Variants in VRK2 observed in about 807,000 individuals in gnomAD.
The protein encoded by VRK2 is VRK serine/threonine kinase 2, also known as serine/threonine-protein kinase VRK2.
A neutral mutation model predicts 57.6 loss-of-function variants in VRK2; 60 were observed. That is an observed-to-expected ratio of 1.04 (90% CI 0.85 to 1.29). The LOEUF (loss-of-function observed/expected upper bound fraction) is 1.29, where lower values mean the gene tolerates loss of function less well. Ranked by LOEUF, VRK2 falls within the 50% of genes most tolerant of loss-of-function variation. The pLI is 0.00. For missense variants in VRK2, 705 were observed against 588.1 expected (o/e 1.20, Z -2.06); for synonymous variants, 231 against 199.2 (o/e 1.16, Z -1.35).
At chr2:58,126,180 A>G (rs1162257512) in intron 8 of VRK2, among the ~76,000 whole-genome samples, 1 of 151,960 alleles carries the variant, frequency 6.6e-6, no homozygotes, top group African/African-American at 2.4e-5. Context: ...TAGAACTTCT[A>G]GGTGCCAGAG....
chr2:58,038,764 T>C (rs1558553556), intron 3 of VRK2, among the ~76,000 whole-genome samples: 1 of 152,076 alleles, frequency 6.6e-6, no homozygotes, highest in Non-Finnish European at 1.5e-5. Flanking sequence ...CCTATGCACA[T>C]AAAAAAATTT....
At position 57,909,479 on chromosome 2, in the gene VRK2, T is replaced by G. The variant is rs879651303; in HGVS notation, c.-439+1640T>G. Among the ~76,000 whole-genome samples the G allele has an allele frequency of 1.1e-3, 165 of 151,898 alleles. No individual in the cohort carries two copies. The East Asian group carries it at 0.018, about 17-fold the overall frequency. On this transcript the variant is annotated intron_variant, in intron 1 of 15. Transcript: ENST00000417641. The stretch of plus-strand genomic sequence containing the variant: ...CTGAGTGTATGTGTGTGTGTGTGTT[T>G]TTTTTTTAGTTCTCAAAAGGAGAAA...
intron 1 of VRK2, chr2:58,047,393 G>C: frequency 1.0e-6 from 1 of 985,072 alleles, no homozygotes; most frequent in Non-Finnish European, 1.2e-6. Context: ...AGAAGCCGAA[G>C]GGACACCCCT....
chr2:58,043,884 A>G (rs1674566586), upstream of VRK2, among the ~76,000 whole-genome samples: 1 of 152,226 alleles, frequency 6.6e-6, no homozygotes, highest in Non-Finnish European at 1.5e-5. Context: ...GTAACTTATT[A>G]GTATTTTTTG....
chr2:57,966,526 A>G (rs1671922424), intron 1 of VRK2, among the ~76,000 whole-genome samples: 1 of 152,230 alleles, frequency 6.6e-6, no homozygotes, highest in Admixed American at 6.5e-5. Context: ...TATCCTATAA[A>G]GAATATTTTT....
intron 7 of VRK2, among the ~76,000 whole-genome samples, chr2:58,120,053 C>T (rs1677184762): frequency 6.6e-6 from 1 of 151,902 alleles, no homozygotes. Flanking sequence ...AGTGCATGCT[C>T]CTCAAGGTTG....
chr2:58,097,578 A>G (rs949016848), intron 7 of VRK2, among the ~76,000 whole-genome samples: 1 of 152,142 alleles, frequency 6.6e-6, no homozygotes, highest in Non-Finnish European at 1.5e-5. Flanking sequence ...TTATACAGTC[A>G]TGTACCATAT....
intron 1 of VRK2, among the ~76,000 whole-genome samples, chr2:57,991,573 T>C (rs1012559625): frequency 2.0e-5 from 3 of 152,090 alleles, no homozygotes; most frequent in South Asian, 2.1e-4. Flanking sequence ...ACATATAACA[T>C]TCATGTGTTA....
chr2:57,971,098 GAACT>G (rs1672081687), intron 1 of VRK2, among the ~76,000 whole-genome samples: 1 of 151,898 alleles, frequency 6.6e-6, no homozygotes, highest in African/African-American at 2.4e-5. Context: ...TAATTCACTA[GAACT>G]CACAGGACTC....
intron 1 of VRK2, among the ~76,000 whole-genome samples, chr2:57,967,184 T>C (rs905747012): frequency 1.6e-4 from 24 of 152,048 alleles, no homozygotes; most frequent in African/African-American, 5.6e-4. Context: ...TGAGAACACA[T>C]GGACACAGAG....
chr2:57,924,980 G>C (rs1168769800), intron 1 of VRK2, among the ~76,000 whole-genome samples: 1 of 151,746 alleles, frequency 6.6e-6, no homozygotes, highest in Non-Finnish European at 1.5e-5. Flanking sequence ...ATAGATTTTT[G>C]TTCTTCATTC....
At chr2:57,914,765 A>G (rs767434321) in intron 1 of VRK2, among the ~76,000 whole-genome samples, 5 of 152,340 alleles carry the variant, frequency 3.3e-5, no homozygotes, top group Middle Eastern at 3.4e-3. Context: ...TGAGACATAA[A>G]AAGAAACATT....
intron 12 of VRK2, among the ~76,000 whole-genome samples, chr2:58,146,744 A>G (rs1682201403): frequency 6.6e-6 from 1 of 151,684 alleles, no homozygotes; most frequent in Admixed American, 6.6e-5. Context: ...TTCTTTTGCC[A>G]TCTATGATCC....
intron 3 of VRK2, among the ~76,000 whole-genome samples, chr2:58,035,863 G>A (rs1674258341): frequency 6.6e-6 from 1 of 151,934 alleles, no homozygotes; most frequent in Non-Finnish European, 1.5e-5. Flanking sequence ...TAATATTTGG[G>A]TATAAAATGA....
intron 1 of VRK2, among the ~76,000 whole-genome samples, chr2:58,001,296 T>C (rs895100812): frequency 1.7e-4 from 26 of 152,218 alleles, no homozygotes; most frequent in African/African-American, 5.5e-4. Context: ...GAACAAATAC[T>C]TGTGGCTATT....
At chr2:58,020,064 T>C (rs1052207173) in intron 1 of VRK2, among the ~76,000 whole-genome samples, 3 of 152,244 alleles carry the variant, frequency 2.0e-5, no homozygotes, top group African/African-American at 7.2e-5. Flanking sequence ...GGGACATTGC[T>C]TGAAATAGTA....
chr2:58,015,085 T>C (rs1673535809), intron 1 of VRK2, among the ~76,000 whole-genome samples: 2 of 152,200 alleles, frequency 1.3e-5, no homozygotes, highest in African/African-American at 4.8e-5. Flanking sequence ...TACAATCATT[T>C]TTTTTATCCT....
At chr2:58,071,377 C>T (rs570419109) in intron 2 of VRK2, among the ~76,000 whole-genome samples, 2 of 151,972 alleles carry the variant, frequency 1.3e-5, no homozygotes, top group South Asian at 4.2e-4. Context: ...AACTCATTAC[C>T]CTTAGGTCAC....
chr2:58,068,311 T>G (rs1184074165), intron 2 of VRK2, among the ~76,000 whole-genome samples: 1 of 152,200 alleles, frequency 6.6e-6, no homozygotes, highest in Non-Finnish European at 1.5e-5. Context: ...TTCATTTAGT[T>G]TCTTTTCCAA....
Sources: gnomAD v4.1 joint callset for allele counts (sites outside exome capture counted in the v4.1 genomes callset) on GRCh38, gnomAD v4.1.1 for gene constraint, MANE v1.5 for transcripts, NCBI Gene and HGNC (gene_info 2026-07-23, HGNC 2026-07-21) for gene names.